Variants in PLCB1 observed in about 807,000 individuals in gnomAD.
PLCB1 encodes phospholipase C beta 1.
PLCB1 carries 46 observed loss-of-function variants against 161.8 expected under a neutral mutation model. That is an observed-to-expected ratio of 0.28 (90% confidence interval 0.22 to 0.36). The LOEUF (loss-of-function observed/expected upper bound fraction) is 0.36, where lower values mean the gene tolerates loss of function less well. Ranked by LOEUF, PLCB1 falls within the 10% of genes least tolerant of loss-of-function variation. The pLI is 1.00. For synonymous variants in PLCB1, 517 were observed against 503.7 expected (o/e 1.03, Z -0.35); for missense variants, 1,016 against 1,472.5 (o/e 0.69, Z 5.07).
At chr20:8,156,910 C>T (rs2051568837) in intron 2 of PLCB1, among the ~76,000 whole-genome samples, 5 of 152,126 alleles carry the variant, frequency 3.3e-5, no homozygotes, top group Admixed American at 3.3e-4. Context: ...AACAATTGTC[C>T]ATAAGTATTA....
At chr20:8,536,229 A>G (rs1985044724) in intron 3 of PLCB1, among the ~76,000 whole-genome samples, 1 of 152,202 alleles carries the variant, frequency 6.6e-6, no homozygotes, top group Non-Finnish European at 1.5e-5. Flanking sequence ...TTTATAATGA[A>G]AGAAATGATT....
In PLCB1 at chr20:8,275,250, A is replaced by T. The variant is rs369853725; in HGVS notation, c.178-96132A>T. Among the ~76,000 whole-genome samples the T allele has an allele frequency of 4.9e-3, 710 of 145,452 alleles. 5 individuals carry two copies. Among genetic ancestry groups the T allele is most frequent in the Middle Eastern group, 0.01 (3 of 286 alleles). On this transcript the variant is annotated intron_variant, in intron 2 of 31. Transcript: ENST00000338037. ...ACCAGGTTTGCTTTGCATCAGCGTG[A>T]GTGTGTGTGTGTGTGTGTGTGTGTG...
intron 31 of PLCB1, among the ~76,000 whole-genome samples, chr20:8,858,265 T>C (rs1199594183): frequency 1.3e-5 from 2 of 152,184 alleles, no homozygotes; most frequent in Non-Finnish European, 2.9e-5. Context: ...GTTTTGGTAA[T>C]GCGGCTCCTG....
chr20:8,758,356 G>T (rs893175230), intron 24 of PLCB1, among the ~76,000 whole-genome samples: 1 of 152,030 alleles, frequency 6.6e-6, no homozygotes, highest in African/African-American at 2.4e-5. Flanking sequence ...TGAGGCAGGT[G>T]GATCACTTGA....
chr20:8,436,152 A>G (rs916874759), intron 3 of PLCB1, among the ~76,000 whole-genome samples: 2 of 152,138 alleles, frequency 1.3e-5, no homozygotes, highest in African/African-American at 4.8e-5. Flanking sequence ...CAGCCTGGCC[A>G]TGACGAAACC....
chr20:8,206,423 G>C (rs1205175334), intron 2 of PLCB1, among the ~76,000 whole-genome samples: 1 of 152,044 alleles, frequency 6.6e-6, no homozygotes, highest in Non-Finnish European at 1.5e-5. Flanking sequence ...CAGGAATTAT[G>C]GGTAACCTCA....
At chr20:8,150,418 C>G in intron 2 of PLCB1, 47 bp downstream of exon 2, 1 of 821,858 alleles carries the variant, frequency 1.2e-6, no homozygotes. Context: ...TCGTTTACTA[C>G]TTTGAAAAGT....
intron 2 of PLCB1, among the ~76,000 whole-genome samples, chr20:8,252,051 A>G (rs1471701456): frequency 6.6e-6 from 1 of 151,958 alleles, no homozygotes; most frequent in African/African-American, 2.4e-5. Context: ...AATTCAATAC[A>G]TGAAAGATAG....
At chr20:8,602,440 T>A (rs968524537) in intron 3 of PLCB1, among the ~76,000 whole-genome samples, 1 of 152,198 alleles carries the variant, frequency 6.6e-6, no homozygotes, top group East Asian at 1.9e-4. Flanking sequence ...TTAACATGAA[T>A]AGACTTATCT....
rs1401363742 is a variant in PLCB1 at position 8,791,340 on chromosome 20, G to A, written c.3423+1079G>A. On this transcript the variant is annotated intron_variant, in intron 31 of 31. Transcript: ENST00000338037. ...CAGGTTGATTATGCACTAATAAAGT[G>A]GAATAAATTTTAACATAATTTCAGA... Among the ~76,000 whole-genome samples, 3 of 151,954 alleles carry A rather than the reference G, an allele frequency of 2.0e-5. No individual in the cohort carries two copies. In the South Asian group the frequency reaches 6.2e-4, roughly 31 times the overall value.
intron 2 of PLCB1, among the ~76,000 whole-genome samples, chr20:8,303,223 C>T (rs555474886): frequency 6.6e-6 from 1 of 152,152 alleles, no homozygotes. Flanking sequence ...TCCTTGTTAC[C>T]TATTCTTTGT....
At chr20:8,727,960 G>C (rs187994804) in intron 17 of PLCB1, among the ~76,000 whole-genome samples, 24 of 151,976 alleles carry the variant, frequency 1.6e-4, no homozygotes, top group African/African-American at 5.6e-4. Flanking sequence ...AGTGAAACAG[G>C]CTATTAAATT....
At chr20:8,249,782 C>T (rs529787454) in intron 2 of PLCB1, 1 of 152,038 alleles carries the variant, frequency 6.6e-6, no homozygotes, top group South Asian at 2.1e-4. Flanking sequence ...CCAGTGAGCC[C>T]CATAAGCAGA....
chr20:8,760,127 A>T (rs1234800035), intron 24 of PLCB1, among the ~76,000 whole-genome samples: 1 of 151,334 alleles, frequency 6.6e-6, no homozygotes, highest in South Asian at 2.1e-4. Flanking sequence ...CTGGTCTTGA[A>T]CTCCTGACCT....
chr20:8,838,176 A>G (rs553848066), intron 31 of PLCB1, among the ~76,000 whole-genome samples: 3 of 152,312 alleles, frequency 2.0e-5, no homozygotes, highest in Non-Finnish European at 4.4e-5. Context: ...AACCCTTTCA[A>G]TGAAGGGGAG....
chr20:8,296,185 T>C (rs1983620392), intron 2 of PLCB1, among the ~76,000 whole-genome samples: 1 of 152,204 alleles, frequency 6.6e-6, no homozygotes, highest in Non-Finnish European at 1.5e-5. Context: ...TATGTCAAGT[T>C]AATCACCTAA....
rs139566053 is a variant in PLCB1 at position 8,275,381 on chromosome 20, A to G, written c.178-96001A>G. Reference sequence around the variant, plus strand: ...TAATTCAAAGAAATTATTGTTTCCTATTGTCCTCAGTGAGAAGCATCTTTG... The same window carrying G: ...TAATTCAAAGAAATTATTGTTTCCTGTTGTCCTCAGTGAGAAGCATCTTTG... On this transcript the variant is annotated intron_variant, in intron 2 of 31. Coordinates refer to ENST00000338037, the MANE Select transcript of PLCB1 (RefSeq NM_015192.4). 3.4e-3 allele frequency among the ~76,000 whole-genome samples: 519 copies of G among 151,966 alleles called. 4 individuals carry two copies. Among genetic ancestry groups the G allele is most frequent in the African/African-American group, 0.012 (500 of 41,438 alleles).
At chr20:8,840,456 C>G (rs1042706077) in intron 31 of PLCB1, among the ~76,000 whole-genome samples, 2 of 152,154 alleles carry the variant, frequency 1.3e-5, no homozygotes, top group Non-Finnish European at 1.5e-5. Flanking sequence ...TACACAGTAG[C>G]AAGAACATGG....
intron 3 of PLCB1, among the ~76,000 whole-genome samples, chr20:8,460,646 C>A (rs1253753873): frequency 6.6e-6 from 1 of 152,166 alleles, no homozygotes; most frequent in African/African-American, 2.4e-5. Flanking sequence ...ATGTAAAGTT[C>A]TTTATGTTTT....
Sources: gnomAD v4.1 joint callset for allele counts (sites outside exome capture counted in the v4.1 genomes callset) on GRCh38, gnomAD v4.1.1 for gene constraint, MANE v1.5 for transcripts, NCBI Gene and HGNC (gene_info 2026-07-23, HGNC 2026-07-21) for gene names.